UVRAG: variants seen among roughly 807,000 people sequenced by gnomAD.
The protein encoded by UVRAG is UV radiation resistance associated.
UVRAG carries 19 observed loss-of-function variants against 78.0 expected under a neutral mutation model. The observed-to-expected ratio is 0.24, with a 90% CI of 0.17 to 0.36. UVRAG has a LOEUF of 0.36. UVRAG is among the 10% of genes least tolerant of loss of function. The probability of loss-of-function intolerance (pLI) is 1.00; values close to 1 mark genes in which losing one functional copy is unlikely to be tolerated. For missense variants in UVRAG, 740 were observed against 853.8 expected (o/e 0.87, Z 1.66); for synonymous variants, 323 against 324.6 (o/e 1.00, Z 0.05).
chr11:76,087,592 C>T (rs970276079), intron 13 of UVRAG, among the ~76,000 whole-genome samples: 21 of 152,046 alleles, frequency 1.4e-4, no homozygotes, highest in African/African-American at 3.1e-4. Context: ...ATGAGAACTT[C>T]GAAGCTCGGA....
chr11:75,950,727 T>G lies in UVRAG; in HGVS notation c.594-10717T>G, dbSNP rs115652227. Reference sequence around the variant, plus strand: ...CCATCATTTGGTATTGCCAGTTTTGTAAGTTCTAGCCATTATAATAGGCTT... The same window carrying G: ...CCATCATTTGGTATTGCCAGTTTTGGAAGTTCTAGCCATTATAATAGGCTT... On this transcript the variant is annotated intron_variant, in intron 6 of 14. Transcript: ENST00000356136. Among the ~76,000 whole-genome samples the G allele has an allele frequency of 5.2e-3, 787 of 152,302 alleles. 4 individuals are homozygous for G. The highest frequency in any genetic ancestry group is 0.018 in the African/African-American group (739 of 41,562).
At chr11:75,946,004 G>A (rs1355776024) in intron 6 of UVRAG, among the ~76,000 whole-genome samples, 1 of 152,036 alleles carries the variant, frequency 6.6e-6, no homozygotes, top group African/African-American at 2.4e-5. Flanking sequence ...GTATAATGCT[G>A]TTATGATTGT....
intron 4 of UVRAG, among the ~76,000 whole-genome samples, 191 bp downstream of exon 4, chr11:75,880,231 AT>A (rs1247967188): frequency 6.6e-6 from 1 of 152,198 alleles, no homozygotes; most frequent in Non-Finnish European, 1.5e-5. Context: ...TTACATTGTT[AT>A]GTTTGAATCA....
intron 3 of UVRAG, among the ~76,000 whole-genome samples, chr11:75,873,264 T>A (rs952990883): frequency 6.6e-6 from 1 of 152,236 alleles, no homozygotes; most frequent in African/African-American, 2.4e-5. Flanking sequence ...CTATGCTTTC[T>A]GGTCTTGGCC....
intron 11 of UVRAG, among the ~76,000 whole-genome samples, chr11:76,014,107 TA>T (rs1167872536): frequency 6.6e-6 from 1 of 152,228 alleles, no homozygotes; most frequent in East Asian, 1.9e-4. Context: ...TTTTTATCTT[TA>T]AACAAAGTTG....
rs563863180 is a variant in UVRAG at position 76,004,325 on chromosome 11, A to G, written c.911+236A>G. Among the ~76,000 whole-genome samples the G allele has an allele frequency of 4.7e-4, 71 of 152,316 alleles. No homozygotes were observed. The South Asian group carries it at 7.2e-3, about 16-fold the overall frequency. Reference sequence around the variant, plus strand: ...AGTTATAATCAGAAACATGAACCCTATTCAAGTTTCTCAGGCCACAGCATC... The same window carrying G: ...AGTTATAATCAGAAACATGAACCCTGTTCAAGTTTCTCAGGCCACAGCATC... On this transcript the variant is annotated intron_variant, in intron 9 of 14. Transcript: ENST00000356136.
At chr11:76,121,159 T>G (rs1952266940) in intron 14 of UVRAG, among the ~76,000 whole-genome samples, 2 of 152,232 alleles carry the variant, frequency 1.3e-5, no homozygotes, top group Non-Finnish European at 2.9e-5. Context: ...GTAATTCTTT[T>G]TCTTGCACAG....
At chr11:75,884,244 C>G (rs942653648) in intron 4 of UVRAG, among the ~76,000 whole-genome samples, 3 of 148,572 alleles carry the variant, frequency 2.0e-5, no homozygotes, top group Non-Finnish European at 4.4e-5. Flanking sequence ...CTCTCTTTCT[C>G]TCTCTCTCTC....
At chr11:75,908,061 T>C (rs1294185944) in intron 5 of UVRAG, among the ~76,000 whole-genome samples, 3 of 152,194 alleles carry the variant, frequency 2.0e-5, no homozygotes, top group African/African-American at 7.2e-5. Context: ...AACTCTTTAT[T>C]AAACAATAAT....
intron 8 of UVRAG, among the ~76,000 whole-genome samples, chr11:75,985,154 CTT>C (rs796594987): frequency 9.9e-4 from 127 of 128,576 alleles, no homozygotes; most frequent in African/African-American, 2.9e-3. Context: ...AATTTCTTTT[CTT>C]TTTTTTTTTT....
chr11:76,018,038 A>T (rs2135372292), intron 12 of UVRAG, among the ~76,000 whole-genome samples: 1 of 152,316 alleles, frequency 6.6e-6, no homozygotes, highest in Non-Finnish European at 1.5e-5. Flanking sequence ...TAAATATAAC[A>T]TGCATATACA....
intron 4 of UVRAG, among the ~76,000 whole-genome samples, chr11:75,883,527 T>A (rs551636034): frequency 2.0e-5 from 3 of 152,320 alleles, no homozygotes; most frequent in African/African-American, 7.2e-5. Context: ...TTATAAAGTT[T>A]TGGAGGAACA....
chr11:76,024,869 G>A (rs1386040301), intron 12 of UVRAG, among the ~76,000 whole-genome samples: 2 of 152,040 alleles, frequency 1.3e-5, no homozygotes, highest in South Asian at 4.1e-4. Flanking sequence ...ACATTAGATG[G>A]AATCAGATCT....
At chr11:76,134,161 A>C (rs187834685) in intron 14 of UVRAG, among the ~76,000 whole-genome samples, 2 of 149,890 alleles carry the variant, frequency 1.3e-5, no homozygotes, top group Non-Finnish European at 3.0e-5. Context: ...GGGTTTTGCC[A>C]TGTTGGCCAG....
At chr11:76,130,911 AAGGC>A (rs1261012496) in intron 14 of UVRAG, among the ~76,000 whole-genome samples, 1 of 151,226 alleles carries the variant, frequency 6.6e-6, no homozygotes, top group Non-Finnish European at 1.5e-5. Flanking sequence ...TTCCCTGGCA[AAGGC>A]AGAGGTTTTG....
intron 12 of UVRAG, among the ~76,000 whole-genome samples, chr11:76,037,563 A>G (rs910187947): frequency 6.8e-6 from 1 of 146,886 alleles, no homozygotes; most frequent in Non-Finnish European, 1.5e-5. Flanking sequence ...AAAAAAAAAA[A>G]TCAGCTGGGC....
Position 75,912,039 on chromosome 11 carries a change from G to A in UVRAG, c.593G>A (p.Arg198Gln), listed in dbSNP as rs776423289. The change falls in exon 6 of 15, where the codon CGG becomes CAG. Residue 198 changes from arginine to glutamine, a missense_variant and splice_region_variant. Coordinates refer to ENST00000356136, the MANE Select transcript of UVRAG (RefSeq NM_003369.4). ...RNSYDVFSLL[R>Q]LHRAQCAIKQ... is the part of the protein sequence containing the mutation. ...TCTTACGATGTCTTCTCTTTGCTACGGTAAGAAACTTCTTAGATTGCCCTG... is the reference window on the plus strand; with the variant it reads ...TCTTACGATGTCTTCTCTTTGCTACAGTAAGAAACTTCTTAGATTGCCCTG... The A allele has an allele frequency of 1.1e-5, 18 of 1,602,310 alleles. No individual in the cohort carries two copies. The highest frequency in any genetic ancestry group is 1.5e-5 in the Non-Finnish European group (17 of 1,170,306).
intron 6 of UVRAG, among the ~76,000 whole-genome samples, chr11:75,939,542 C>T (rs116566310): frequency 0.015 from 2,337 of 152,204 alleles, 73 homozygotes; most frequent in African/African-American, 0.053. Context: ...AACCCCCATA[C>T]ATATACATAC....
chr11:75,956,569 A>G (rs915337208), intron 6 of UVRAG, among the ~76,000 whole-genome samples: 3 of 152,068 alleles, frequency 2.0e-5, no homozygotes, highest in Non-Finnish European at 2.9e-5. Context: ...GTATTTTAGT[A>G]GAGACGGGGT....
Sources: gnomAD v4.1 joint callset for allele counts (sites outside exome capture counted in the v4.1 genomes callset) on GRCh38, gnomAD v4.1.1 for gene constraint, MANE v1.5 for transcripts, NCBI Gene and HGNC (gene_info 2026-07-23, HGNC 2026-07-21) for gene names.